The following CDK19 variants were observed in gnomAD, a reference collection of about 807,000 sequenced individuals.
CDK19 encodes the protein cyclin dependent kinase 19, also known as cyclin-dependent kinase 19.
Under a neutral mutation model 68.3 loss-of-function variants are expected in CDK19, and 20 were observed. The observed-to-expected ratio is 0.29, with a 90% CI of 0.21 to 0.43. The LOEUF (loss-of-function observed/expected upper bound fraction) is 0.43. CDK19 is among the 20% of genes least tolerant of loss of function. CDK19 has a pLI of 1.00. For missense variants in CDK19, 339 were observed against 623.5 expected (o/e 0.54, Z 4.86); for synonymous variants, 221 against 222.8 (o/e 0.99, Z 0.07).
chr6:110,667,042 T>C (rs1781987369), intron 4 of CDK19, among the ~76,000 whole-genome samples: 2 of 152,184 alleles, frequency 1.3e-5, no homozygotes, highest in Non-Finnish European at 2.9e-5. Flanking sequence ...TGTCATTATT[T>C]CAGTTTAGAT....
intron 6 of CDK19, 34 bp downstream of exon 6, chr6:110,631,996 T>G (rs921959239): frequency 1.9e-6 from 3 of 1,568,592 alleles, no homozygotes; most frequent in Non-Finnish European, 2.6e-6. Context: ...GATCGTTAGA[T>G]GACAAGATAG....
At chr6:110,686,913 T>C (rs1223870147) in intron 2 of CDK19, among the ~76,000 whole-genome samples, 1 of 152,158 alleles carries the variant, frequency 6.6e-6, no homozygotes, top group East Asian at 1.9e-4. Context: ...AAATACATAG[T>C]TTCGGCCAGG....
chr6:110,715,059 C>T (rs1159844488), intron 2 of CDK19, among the ~76,000 whole-genome samples: 1 of 151,966 alleles, frequency 6.6e-6, no homozygotes, highest in Non-Finnish European at 1.5e-5. Flanking sequence ...AAGTCCCTTG[C>T]CCGGTTTTTA....
Position 110,765,073 on chromosome 6 carries a change from G to A in CDK19, c.129-18872C>T, listed in dbSNP as rs144172241. On this transcript the variant is annotated intron_variant, in intron 1 of 12. Coordinates refer to ENST00000368911, the MANE Select transcript of CDK19 (RefSeq NM_015076.5). ...TCATTTTTTTTTTTTAATTTGGGAA[G>A]TGGGACTTGACTAAAATGAAAAACT... Among the ~76,000 whole-genome samples the A allele has an allele frequency of 2.1e-3, 316 of 151,198 alleles. 2 individuals are homozygous for A. Among genetic ancestry groups the A allele is most frequent in the African/African-American group, 7.4e-3 (305 of 41,224 alleles).
intron 2 of CDK19, among the ~76,000 whole-genome samples, chr6:110,715,381 G>T (rs199946655): frequency 3.9e-5 from 6 of 152,170 alleles, no homozygotes; most frequent in African/African-American, 1.4e-4. Flanking sequence ...TATTTAAGGC[G>T]CTATATGGGG....
At chr6:110,799,962 G>C (rs1157656639) in intron 1 of CDK19, among the ~76,000 whole-genome samples, 1 of 152,094 alleles carries the variant, frequency 6.6e-6, no homozygotes, top group African/African-American at 2.4e-5. Context: ...TAGATAGAGA[G>C]GGCTGACTGT....
intron 1 of CDK19, among the ~76,000 whole-genome samples, chr6:110,812,027 G>A (rs142278185): frequency 1.3e-5 from 2 of 151,654 alleles, no homozygotes; most frequent in African/African-American, 4.8e-5. Flanking sequence ...GCAAGACCCG[G>A]TCTCTACAAA....
intron 1 of CDK19, among the ~76,000 whole-genome samples, chr6:110,781,199 T>C (rs1426005827): frequency 6.6e-6 from 1 of 152,190 alleles, no homozygotes. Context: ...CAGCATCTGC[T>C]TCCGATGAGG....
chr6:110,703,587 C>T (rs1310565846), intron 2 of CDK19, among the ~76,000 whole-genome samples: 1 of 152,124 alleles, frequency 6.6e-6, no homozygotes, highest in East Asian at 1.9e-4. Context: ...CACATCTAGT[C>T]CCAGCACTTT....
chr6:110,756,136 T>A (rs918065006), intron 1 of CDK19, among the ~76,000 whole-genome samples: 1 of 151,926 alleles, frequency 6.6e-6, no homozygotes, highest in Non-Finnish European at 1.5e-5. Flanking sequence ...ACACCTGCAA[T>A]CACAGCAATT....
At chr6:110,727,651 T>C (rs1776411460) in intron 2 of CDK19, among the ~76,000 whole-genome samples, 1 of 152,066 alleles carries the variant, frequency 6.6e-6, no homozygotes, top group Non-Finnish European at 1.5e-5. Context: ...CTCTCCATCT[T>C]AGTTCTCTTC....
intron 1 of CDK19, among the ~76,000 whole-genome samples, chr6:110,808,126 G>C (rs1468785033): frequency 2.4e-4 from 37 of 152,056 alleles, no homozygotes; most frequent in Admixed American, 2.4e-3. Flanking sequence ...TCACTTGATG[G>C]ATCAGAGAAT....
chr6:110,787,357 G>A (rs1041593823), intron 1 of CDK19, among the ~76,000 whole-genome samples: 2 of 149,512 alleles, frequency 1.3e-5, no homozygotes, highest in African/African-American at 4.9e-5. Context: ...TTGGGTGACA[G>A]AGCAAGGCTC....
In CDK19 at chr6:110,806,356, T is replaced by A. The variant is rs1051115670; in HGVS notation, c.128+8653A>T. Among the ~76,000 whole-genome samples, 4 of 129,478 alleles carry A rather than the reference T, an allele frequency of 3.1e-5. No individual in the cohort carries two copies. In the East Asian group the frequency reaches 8.2e-4, roughly 27 times the overall value. 84.9% of individuals were successfully genotyped at this position (129,478 alleles called of 152,430 possible). ...ACTCCATCTCAAAAAAAAAAAAAAA[T>A]TATTATTGTCTTAACATTTCACTTC... On this transcript the variant is annotated intron_variant, in intron 1 of 12. Coordinates refer to ENST00000368911, the MANE Select transcript of CDK19 (RefSeq NM_015076.5).
intron 4 of CDK19, among the ~76,000 whole-genome samples, chr6:110,642,672 A>T (rs1780282382): frequency 6.6e-6 from 1 of 152,056 alleles, no homozygotes; most frequent in Non-Finnish European, 1.5e-5. Context: ...ATAAGAAACA[A>T]ACCAGGCACG....
In CDK19 at chr6:110,621,760, G is replaced by T. The variant is rs377358762; in HGVS notation, c.1110+328C>A. 4.3e-4 allele frequency among the ~76,000 whole-genome samples: 65 copies of T among 152,330 alleles called. No individual in the cohort carries two copies. The highest frequency in any genetic ancestry group is 3.4e-3 in the Middle Eastern group (1 of 294). On this transcript the variant is annotated intron_variant, in intron 11 of 12. Transcript: ENST00000368911. This position sits in a 1 kb window ranked among gnomAD's most constrained non-coding sequence, Gnocchi z 5.4. ...AGAGTGAGCCAATATATCCAGTTAA[G>T]ACGAAAGAACAGAGTGATGCTAGCA...
At chr6:110,667,999 T>C (rs1161193686) in intron 3 of CDK19, among the ~76,000 whole-genome samples, 6 of 152,218 alleles carry the variant, frequency 3.9e-5, no homozygotes, top group Non-Finnish European at 5.9e-5. Context: ...ATTTGAATTA[T>C]TGGAAAAGTT....
chr6:110,775,594 T>G (rs1780342080), intron 1 of CDK19, among the ~76,000 whole-genome samples: 1 of 152,126 alleles, frequency 6.6e-6, no homozygotes, highest in South Asian at 2.1e-4. Context: ...CAGAAAACAT[T>G]CATGTAAAAA....
Position 110,612,686 on chromosome 6 carries a change from T to C in CDK19, c.*1849A>G, listed in dbSNP as rs1778088727. The C allele has an allele frequency of 6.6e-6, 1 of 152,274 alleles. No individual in the cohort carries two copies. The highest frequency in any genetic ancestry group is 2.4e-5 in the African/African-American group (1 of 41,452). The allele number at this position is 152,274 out of a possible 1,614,324, so 9.4% of individuals were successfully genotyped here. A position where few individuals can be genotyped will look rare whatever the true frequency, so the allele number is the denominator to read the frequency against. ...AAACTGCATATAGGCAGCTACATTATGCAGAGGGCTGCTAATTTCTTATTT... is the reference window on the plus strand; with the variant it reads ...AAACTGCATATAGGCAGCTACATTACGCAGAGGGCTGCTAATTTCTTATTT... On this transcript the variant is annotated 3_prime_UTR_variant, in exon 13 of 13. Transcript: ENST00000368911.
Sources: allele counts gnomAD v4.1 joint callset (sites outside exome capture counted in the v4.1 genomes callset), GRCh38; gene constraint gnomAD v4.1.1; non-coding constraint Gnocchi (gnomAD v3.1); transcripts MANE v1.5; gene names NCBI Gene and HGNC (gene_info 2026-07-23, HGNC 2026-07-21).